The following LRP1B variants were observed in gnomAD, a reference collection of about 807,000 sequenced individuals.
LRP1B encodes the protein LDL receptor related protein 1B, also known as low-density lipoprotein receptor-related protein 1B.
In LRP1B, 217 loss-of-function variants were observed where a neutral mutation model predicts 556.6. The ratio of observed to expected loss-of-function variants is 0.39; its 90% CI spans 0.35 to 0.44. The LOEUF (loss-of-function observed/expected upper bound fraction) is 0.44. Ranked by LOEUF, LRP1B falls within the 20% of genes least tolerant of loss-of-function variation. LRP1B has a pLI of 1.00. For synonymous variants in LRP1B, 2,047 were observed against 1,865.8 expected (o/e 1.10, Z -2.50); for missense variants, 5,053 against 5,620.8 (o/e 0.90, Z 3.23).
intron 27 of LRP1B, among the ~76,000 whole-genome samples, chr2:140,867,203 G>A (rs189353878): frequency 6.6e-6 from 1 of 152,096 alleles, no homozygotes; most frequent in African/African-American, 2.4e-5. Context: ...ATGGGGAGAG[G>A]TAGCACATAT....
chr2:140,815,156 A>G (rs1459572305), intron 31 of LRP1B, among the ~76,000 whole-genome samples: 2 of 151,944 alleles, frequency 1.3e-5, no homozygotes, highest in African/African-American at 4.8e-5. Flanking sequence ...AAAAAAAAAA[A>G]GATGAAAAGA....
chr2:140,748,591 GTATA>G (rs70988428), intron 35 of LRP1B, among the ~76,000 whole-genome samples: 2,886 of 73,256 alleles, frequency 0.039, 71 homozygotes, highest in Admixed American at 0.074. Context: ...TATACAGTGT[GTATA>G]TATATATATA....
intron 2 of LRP1B, among the ~76,000 whole-genome samples, chr2:141,525,393 G>T (rs1684663953): frequency 6.6e-6 from 1 of 151,746 alleles, no homozygotes; most frequent in South Asian, 2.1e-4. Context: ...TACTGCTTGG[G>T]GTTTTTTTCA....
At chr2:140,264,738 G>A (rs938886251) in intron 86 of LRP1B, among the ~76,000 whole-genome samples, 84 of 102,956 alleles carry the variant, frequency 8.2e-4, no homozygotes, top group African/African-American at 2.6e-3. Context: ...GTGTGTGTGT[G>A]TGTATATAAT....
intron 49 of LRP1B, among the ~76,000 whole-genome samples, chr2:140,523,788 G>T (rs1690292083): frequency 6.6e-6 from 1 of 151,822 alleles, no homozygotes; most frequent in African/African-American, 2.4e-5. Context: ...AACGAAACTG[G>T]ACTCCTACCT....
intron 66 of LRP1B, among the ~76,000 whole-genome samples, chr2:140,409,060 C>A (rs1684864096): frequency 6.6e-6 from 1 of 151,900 alleles, no homozygotes; most frequent in Admixed American, 6.6e-5. Context: ...ATGAATTTCA[C>A]ATGCTTATTT....
At chr2:141,200,198 G>T (rs1021814463) in intron 6 of LRP1B, among the ~76,000 whole-genome samples, 1 of 152,128 alleles carries the variant, frequency 6.6e-6, no homozygotes, top group African/African-American at 2.4e-5. Flanking sequence ...TGGTAGACTA[G>T]ATAAAGGAAA....
chr2:140,710,178 C>T (rs1427079778), intron 37 of LRP1B, among the ~76,000 whole-genome samples: 4 of 151,962 alleles, frequency 2.6e-5, no homozygotes, highest in African/African-American at 9.7e-5. Context: ...TACTGAGATC[C>T]TCCTGCTGAG....
chr2:140,831,982 C>A (rs929217504), intron 31 of LRP1B, among the ~76,000 whole-genome samples: 2 of 152,116 alleles, frequency 1.3e-5, no homozygotes, highest in African/African-American at 4.8e-5. Flanking sequence ...CACCTCACCC[C>A]AGTTGGAATG....
At chr2:140,927,495 A>G (rs1694920600) in intron 20 of LRP1B, among the ~76,000 whole-genome samples, 1 of 152,170 alleles carries the variant, frequency 6.6e-6, no homozygotes, top group African/African-American at 2.4e-5. Flanking sequence ...TAAAAACTCA[A>G]GAAGAAAAAT....
chr2:142,108,903 C>A (rs146134245), intron 1 of LRP1B, among the ~76,000 whole-genome samples: 83 of 152,240 alleles, frequency 5.5e-4, no homozygotes, highest in Non-Finnish European at 6.2e-4. Context: ...TTGTCTCCAG[C>A]CTTCAGCTAA....
rs10182172 is a variant in LRP1B, at chr2:140,926,143, C to T, written c.3137-2996G>A. ...ATCTACTAAGGGTCACCATAAACAA[C>T]TGCATTATAATAACATAAAACAAGA... On this transcript the variant is annotated intron_variant, in intron 20 of 90. Coordinates refer to ENST00000389484, the MANE Select transcript of LRP1B (RefSeq NM_018557.3). Among the ~76,000 whole-genome samples, 1,268 of 146,766 alleles carry T rather than the reference C, an allele frequency of 8.6e-3. 22 individuals are homozygous for T. Among genetic ancestry groups the T allele is most frequent in the African/African-American group, 0.032 (1,217 of 38,506 alleles).
At chr2:141,248,495 C>T (rs1461228763) in intron 4 of LRP1B, among the ~76,000 whole-genome samples, 2 of 152,120 alleles carry the variant, frequency 1.3e-5, no homozygotes, top group Non-Finnish European at 2.9e-5. Context: ...TGGCTTTCCT[C>T]AGACTAAGCA....
At chr2:141,423,006 T>C (rs1026356364) in intron 3 of LRP1B, among the ~76,000 whole-genome samples, 1 of 152,202 alleles carries the variant, frequency 6.6e-6, no homozygotes, top group African/African-American at 2.4e-5. Context: ...ATTATTCTTC[T>C]AGATTACCTT....
intron 1 of LRP1B, among the ~76,000 whole-genome samples, chr2:141,973,576 T>TG (rs1464526960): frequency 4.0e-5 from 6 of 151,780 alleles, no homozygotes; most frequent in African/African-American, 1.4e-4. Context: ...TGATAGGCAC[T>TG]GGGGGTACAA....
At chr2:140,631,907 C>A (rs1352497724) in intron 41 of LRP1B, among the ~76,000 whole-genome samples, 1 of 151,926 alleles carries the variant, frequency 6.6e-6, no homozygotes, top group Admixed American at 6.6e-5. Context: ...AGCCAGAGAC[C>A]AAAATAATTC....
chr2:140,911,109 A>C (rs10496859), intron 21 of LRP1B, among the ~76,000 whole-genome samples: 74,358 of 151,536 alleles, frequency 0.49, 19,385 homozygotes, highest in Middle Eastern at 0.63. Context: ...GTCAATCTAC[A>C]TAAGTGAATG....
chr2:141,619,358 G>C (rs1020373730), intron 2 of LRP1B, among the ~76,000 whole-genome samples: 1 of 152,084 alleles, frequency 6.6e-6, no homozygotes, highest in African/African-American at 2.4e-5. Flanking sequence ...CCTACATCCA[G>C]CTTATACCTT....
rs1431071315 is a variant in LRP1B at position 140,536,798 on chromosome 2, T to C, written c.7514-89A>G. On this transcript the variant is annotated intron_variant, in intron 45 of 90. Coordinates refer to ENST00000389484, the MANE Select transcript of LRP1B (RefSeq NM_018557.3). ...CAATTATTTTTCTTAATTTTAATTA[T>C]AAAGATAAACTAAAATTTATCAAAA... The C allele has an allele frequency of 9.3e-6, 9 of 972,276 alleles. No homozygotes were observed. The South Asian group carries it at 1.6e-4, about 18-fold the overall frequency. 60.2% of individuals were successfully genotyped at this position (972,276 alleles called of 1,614,324 possible).
Sources: gnomAD v4.1 joint callset for allele counts (sites outside exome capture counted in the v4.1 genomes callset) on GRCh38, gnomAD v4.1.1 for gene constraint, MANE v1.5 for transcripts, NCBI Gene and HGNC (gene_info 2026-07-23, HGNC 2026-07-21) for gene names.